Variants in ADAMTS12 observed in about 807,000 individuals in gnomAD.
ADAMTS12 encodes ADAM metallopeptidase with thrombospondin type 1 motif 12, also known as A disintegrin and metalloproteinase with thrombospondin motifs 12.
ADAMTS12 carries 118 observed loss-of-function variants against 167.8 expected under a neutral mutation model. The observed-to-expected ratio is 0.70, with a 90% confidence interval of 0.61 to 0.82. The LOEUF is 0.82. Among genes scored for constraint, ADAMTS12 ranks in the 40% least tolerant of loss-of-function variants. The probability of loss-of-function intolerance (pLI) is 0.00; values close to 1 mark genes in which losing one functional copy is unlikely to be tolerated. For missense variants in ADAMTS12, 1,916 were observed against 1,998.8 expected, an observed-to-expected ratio of 0.96 and a Z score of 0.79; for synonymous variants, 704 against 716.9, an observed-to-expected ratio of 0.98 and a Z score of 0.29.
At chr5:33,660,776 C>G (rs1741229771) in intron 6 of ADAMTS12, among the ~76,000 whole-genome samples, 1 of 152,142 alleles carries the variant, frequency 6.6e-6, no homozygotes, top group African/African-American at 2.4e-5. Context: ...CCCAAGGTGT[C>G]TTAGAACCTA....
intron 3 of ADAMTS12, among the ~76,000 whole-genome samples, chr5:33,743,671 C>T (rs534062311): frequency 2.6e-5 from 4 of 152,296 alleles, no homozygotes; most frequent in African/African-American, 4.8e-5. Flanking sequence ...CACTTGCTTT[C>T]TTTTTCTATC....
At chr5:33,555,361 C>T (rs1339539377) in intron 20 of ADAMTS12, among the ~76,000 whole-genome samples, 1 of 152,164 alleles carries the variant, frequency 6.6e-6, no homozygotes, top group African/African-American at 2.4e-5. Flanking sequence ...CCGTCCACCT[C>T]AGCCTCCCGA....
At chr5:33,805,630 G>A (rs1038108440) in intron 2 of ADAMTS12, among the ~76,000 whole-genome samples, 7 of 152,222 alleles carry the variant, frequency 4.6e-5, no homozygotes, top group Admixed American at 2.0e-4. Flanking sequence ...CAAGCTCACA[G>A]AATAGACCTA....
intron 23 of ADAMTS12, among the ~76,000 whole-genome samples, chr5:33,531,467 G>A (rs1266127466): frequency 6.6e-6 from 1 of 152,112 alleles, no homozygotes; most frequent in African/African-American, 2.4e-5. Flanking sequence ...AATAGATGTG[G>A]GTGCATGTAT....
chr5:33,664,106 C>T (rs1024973954), intron 5 of ADAMTS12, among the ~76,000 whole-genome samples: 4 of 152,122 alleles, frequency 2.6e-5, no homozygotes, highest in Admixed American at 6.5e-5. Context: ...TAGCTTTACC[C>T]GCAATTCCTA....
chr5:33,578,861 G>T (rs563189504), intron 18 of ADAMTS12, among the ~76,000 whole-genome samples: 15 of 152,324 alleles, frequency 9.8e-5, no homozygotes, highest in African/African-American at 3.6e-4. Flanking sequence ...GACCCAACCA[G>T]TGAAGCTGTG....
chr5:33,857,983 TA>T lies in ADAMTS12; in HGVS notation c.489+23135del, dbSNP rs531191478. On this transcript the variant is annotated intron_variant, in intron 2 of 23. Transcript: ENST00000504830. ...AGACAGAAAATCAGCTAGGGTAAAGTAAAAGAATTCAACAAGACCATCAGCC... is the reference window on the plus strand; with the variant it reads ...AGACAGAAAATCAGCTAGGGTAAAGTAAAGAATTCAACAAGACCATCAGCC... 6.2e-3 allele frequency among the ~76,000 whole-genome samples: 942 copies of T among 152,202 alleles called. 11 individuals carry two copies. Among genetic ancestry groups the T allele is most frequent in the Non-Finnish European group, 7.1e-3 (481 of 68,008 alleles).
chr5:33,716,495 T>C (rs1743620041), intron 3 of ADAMTS12, among the ~76,000 whole-genome samples: 1 of 152,176 alleles, frequency 6.6e-6, no homozygotes, highest in African/African-American at 2.4e-5. Flanking sequence ...GTTTCTTTTT[T>C]ATTGCAGTGC....
At chr5:33,815,266 A>G (rs1394256788) in intron 2 of ADAMTS12, among the ~76,000 whole-genome samples, 3 of 152,174 alleles carry the variant, frequency 2.0e-5, no homozygotes, top group African/African-American at 7.2e-5. Context: ...TTAAAGTCAT[A>G]GATTGAAGCC....
chr5:33,788,439 T>C (rs1746411974), intron 2 of ADAMTS12, among the ~76,000 whole-genome samples: 1 of 151,286 alleles, frequency 6.6e-6, no homozygotes, highest in African/African-American at 2.4e-5. Context: ...GGGGAGGAGA[T>C]GGGAAGAGAG....
At chr5:33,787,550 G>A (rs773964240) in intron 2 of ADAMTS12, among the ~76,000 whole-genome samples, 18 of 152,238 alleles carry the variant, frequency 1.2e-4, no homozygotes, top group Non-Finnish European at 1.9e-4. Flanking sequence ...AGTATATGGG[G>A]TAGGTTTGGC....
At chr5:33,724,182 T>C (rs1380002780) in intron 3 of ADAMTS12, among the ~76,000 whole-genome samples, 1 of 152,298 alleles carries the variant, frequency 6.6e-6, no homozygotes, top group Non-Finnish European at 1.5e-5. Context: ...TAAACAGTTC[T>C]GGATTTTGAG....
chr5:33,767,516 T>C (rs1470144760), intron 2 of ADAMTS12, among the ~76,000 whole-genome samples: 1 of 152,212 alleles, frequency 6.6e-6, no homozygotes, highest in African/African-American at 2.4e-5. Flanking sequence ...TGTTTTATTA[T>C]ACTTTTCTAA....
At chr5:33,888,888 C>T (rs1276063648) in intron 1 of ADAMTS12, among the ~76,000 whole-genome samples, 4 of 152,192 alleles carry the variant, frequency 2.6e-5, no homozygotes, top group African/African-American at 9.7e-5. Flanking sequence ...GAATACTGGG[C>T]AGTTAGTCAA....
chr5:33,871,835 G>A (rs1750047224), intron 2 of ADAMTS12, among the ~76,000 whole-genome samples: 1 of 152,050 alleles, frequency 6.6e-6, no homozygotes, highest in African/African-American at 2.4e-5. Flanking sequence ...CCCACTCTCA[G>A]GTAGTTCTCT....
chr5:33,637,463 G>A, intron 12 of ADAMTS12, 114 bp downstream of exon 12: 1 of 1,090,114 alleles, frequency 9.2e-7, no homozygotes, highest in Non-Finnish European at 1.3e-6. Flanking sequence ...AAAATTCCTG[G>A]TGTACAATTG....
chr5:33,792,881 C>T (rs993045603), intron 2 of ADAMTS12, among the ~76,000 whole-genome samples: 4 of 152,216 alleles, frequency 2.6e-5, no homozygotes, highest in Non-Finnish European at 5.9e-5. Flanking sequence ...ACATGGTTTA[C>T]TTGTGGTTCC....
At chr5:33,832,363 GAAC>G (rs747542251) in intron 2 of ADAMTS12, among the ~76,000 whole-genome samples, 1 of 151,822 alleles carries the variant, frequency 6.6e-6, no homozygotes, top group Non-Finnish European at 1.5e-5. Flanking sequence ...TTTGCAATGA[GAAC>G]AACCCAATAA....
chr5:33,755,879 G>GA (rs1035321361), intron 2 of ADAMTS12, among the ~76,000 whole-genome samples: 1 of 151,950 alleles, frequency 6.6e-6, no homozygotes, highest in Non-Finnish European at 1.5e-5. Flanking sequence ...ATCAAGAACA[G>GA]AAAAAAAATT....
Sources: allele counts gnomAD v4.1 joint callset (sites outside exome capture counted in the v4.1 genomes callset), GRCh38; gene constraint gnomAD v4.1.1; transcripts MANE v1.5; gene names NCBI Gene and HGNC (gene_info 2026-07-23, HGNC 2026-07-21).